Variants in FAM161A observed in about 807,000 individuals in gnomAD.
FAM161A encodes protein FAM161A.
A neutral mutation model predicts 70.9 loss-of-function variants in FAM161A; 57 were observed. The ratio of observed to expected loss-of-function variants is 0.80; its 90% CI spans 0.65 to 1.00. The LOEUF (loss-of-function observed/expected upper bound fraction) is 1.00, where lower values mean the gene tolerates loss of function less well. Ranked by LOEUF, FAM161A falls within the 50% of genes least tolerant of loss-of-function variation. The pLI, the probability that FAM161A is intolerant of heterozygous loss-of-function variation, is 0.00. For synonymous variants in FAM161A, 299 were observed against 295.7 expected (o/e 1.01, Z -0.12); for missense variants, 880 against 836.0 (o/e 1.05, Z -0.65).
chr2:61,852,606 T>G (rs1482324304), intron 1 of FAM161A, among the ~76,000 whole-genome samples: 1 of 152,234 alleles, frequency 6.6e-6, no homozygotes, highest in African/African-American at 2.4e-5. Flanking sequence ...CGTTGCCTTG[T>G]TGCCTACTGA....
the FAM161A span, among the ~76,000 whole-genome samples, chr2:61,816,652 G>A: frequency 2.0e-5 from 3 of 151,876 alleles, no homozygotes; most frequent in Non-Finnish European, 2.9e-5. Context: ...TAGAGACGGC[G>A]GGGCGGGGGG....
the FAM161A span, among the ~76,000 whole-genome samples, chr2:61,801,268 C>A: frequency 1.3e-5 from 2 of 151,346 alleles, no homozygotes; most frequent in South Asian, 2.1e-4. Context: ...GAGGCTGAGG[C>A]GGGCGGATCA....
At chr2:61,849,082 A>T (rs1175395560) in intron 1 of FAM161A, among the ~76,000 whole-genome samples, 1 of 57,836 alleles carries the variant, frequency 1.7e-5, no homozygotes. Flanking sequence ...ATATATATTT[A>T]TATATATATT....
chr2:61,845,189 G>T (rs948421271), intron 1 of FAM161A, among the ~76,000 whole-genome samples: 1 of 152,098 alleles, frequency 6.6e-6, no homozygotes, highest in Non-Finnish European at 1.5e-5. Context: ...AGATGTTGGA[G>T]AACACCAACA....
downstream of FAM161A, among the ~76,000 whole-genome samples, chr2:61,824,049 T>A (rs1672270827): frequency 6.6e-6 from 1 of 151,138 alleles, no homozygotes; most frequent in Non-Finnish European, 1.5e-5. Flanking sequence ...TTTTTTGAGA[T>A]GGAGTCTCAC....
chr2:61,806,670 CT>C, the FAM161A span, among the ~76,000 whole-genome samples: 2 of 111,722 alleles, frequency 1.8e-5, no homozygotes, highest in Non-Finnish European at 3.7e-5. Context: ...AGCAATTTTG[CT>C]TTCCACGTCT....
rs959147922 is a variant in FAM161A, at chr2:61,827,271, C to G, written c.1852-13G>C. 1 of 1,611,672 alleles carries G rather than the reference C, an allele frequency of 6.2e-7. No individual in the cohort carries two copies. The highest frequency in any genetic ancestry group is 1.3e-5 in the African/African-American group (1 of 74,882). ...TTCTTGCATTTTTCTATAGGAAAGACAAACCTTTTTAGACGAGAACAGAAG... is the reference window on the plus strand; with the variant it reads ...TTCTTGCATTTTTCTATAGGAAAGAGAAACCTTTTTAGACGAGAACAGAAG... On this transcript the variant is annotated splice_polypyrimidine_tract_variant and intron_variant, in intron 5 of 6. Transcript: ENST00000404929.
intron 4 of FAM161A, among the ~76,000 whole-genome samples, chr2:61,837,189 T>G (rs1158439882): frequency 1.3e-5 from 2 of 152,046 alleles, no homozygotes; most frequent in African/African-American, 4.8e-5. Flanking sequence ...TTTTTTCCCC[T>G]AAATAAGATC....
intron 2 of FAM161A, among the ~76,000 whole-genome samples, chr2:61,841,074 CCTT>C (rs2105084942): frequency 6.6e-6 from 1 of 152,314 alleles, no homozygotes; most frequent in South Asian, 2.1e-4. Context: ...CACTTTGACT[CCTT>C]CATTTTACAG....
intron 5 of FAM161A, 146 bp downstream of exon 5, chr2:61,835,864 T>C: frequency 1.4e-6 from 1 of 701,210 alleles, no homozygotes; most frequent in East Asian, 2.5e-5. Context: ...ACTCATTGGC[T>C]GATATGATGA....
chr2:61,800,422 T>C, the FAM161A span, among the ~76,000 whole-genome samples: 2 of 152,202 alleles, frequency 1.3e-5, no homozygotes, highest in African/African-American at 4.8e-5. Flanking sequence ...CTGCTGCAGC[T>C]GCTCTAGGGA....
intron 1 of FAM161A, chr2:61,847,018 C>T (rs907990492): frequency 1.9e-5 from 8 of 422,730 alleles, no homozygotes; most frequent in African/African-American, 8.2e-5. Context: ...AAAACTTAGT[C>T]GGGTGTGGTG....
At chr2:61,812,336 T>G in the FAM161A span, among the ~76,000 whole-genome samples, 1 of 152,238 alleles carries the variant, frequency 6.6e-6, no homozygotes, top group Non-Finnish European at 1.5e-5. Flanking sequence ...TGAATTAGTA[T>G]GTATTGTGGG....
At chr2:61,810,342 C>G in the FAM161A span, among the ~76,000 whole-genome samples, 4 of 152,040 alleles carry the variant, frequency 2.6e-5, no homozygotes, top group East Asian at 7.7e-4. Flanking sequence ...TAGAAGCCAT[C>G]TCAGAACAGT....
Position 61,825,245 on chromosome 2 carries a change from A to G in FAM161A, c.*1210T>C, listed in dbSNP as rs3736598. ...TAAAGAAAAAAATATAGATTTATAAAATCAGATTAACACTGTACACAGAGA... is the reference window on the plus strand; with the variant it reads ...TAAAGAAAAAAATATAGATTTATAAGATCAGATTAACACTGTACACAGAGA... On this transcript the variant is annotated 3_prime_UTR_variant, in exon 7 of 7. Coordinates refer to ENST00000404929, the MANE Select transcript of FAM161A (RefSeq NM_001201543.2). 172,459 of 444,628 alleles carry G rather than the reference A, an allele frequency of 0.39. 35,466 individuals are homozygous for G. Among genetic ancestry groups the G allele is most frequent in the East Asian group, 0.68 (9,824 of 14,440 alleles). 27.5% of individuals were successfully genotyped at this position (444,628 alleles called of 1,614,324 possible).
At chr2:61,822,477 A>C (rs1245514332), downstream of FAM161A, among the ~76,000 whole-genome samples, 1 of 152,242 alleles carries the variant, frequency 6.6e-6, no homozygotes, top group East Asian at 1.9e-4. Context: ...TTCATTTCAC[A>C]ATAACTTGCT....
intron 5 of FAM161A, among the ~76,000 whole-genome samples, chr2:61,829,755 T>C (rs1279875567): frequency 1.3e-5 from 2 of 152,214 alleles, no homozygotes; most frequent in African/African-American, 2.4e-5. Context: ...CAATTTAACA[T>C]CTTCTCAGTT....
intron 5 of FAM161A, among the ~76,000 whole-genome samples, chr2:61,831,586 T>C (rs1241605529): frequency 6.6e-6 from 1 of 152,152 alleles, no homozygotes; most frequent in Non-Finnish European, 1.5e-5. Flanking sequence ...GAAAACAATA[T>C]GATAGATAAA....
chr2:61,837,309 C>T (rs763726332), intron 4 of FAM161A, among the ~76,000 whole-genome samples: 4 of 151,996 alleles, frequency 2.6e-5, no homozygotes, highest in African/African-American at 9.7e-5. Context: ...ATAAATTTAC[C>T]GTAAGTGTTC....
Sources: allele counts gnomAD v4.1 joint callset (sites outside exome capture counted in the v4.1 genomes callset), GRCh38; gene constraint gnomAD v4.1.1; transcripts MANE v1.5; gene names NCBI Gene and HGNC (gene_info 2026-07-23, HGNC 2026-07-21).